AHCYL2: variants seen among roughly 807,000 people sequenced by gnomAD.
AHCYL2 encodes the protein adenosylhomocysteinase like 2.
A neutral mutation model predicts 81.4 loss-of-function variants in AHCYL2; 28 were observed. That is an observed-to-expected ratio of 0.34 (90% CI 0.25 to 0.47). AHCYL2 has a LOEUF of 0.47. Ranked by LOEUF, AHCYL2 falls within the 20% of genes least tolerant of loss-of-function variation. AHCYL2 has a pLI of 1.00. For missense variants in AHCYL2, 551 were observed against 785.1 expected, an observed-to-expected ratio of 0.70 and a Z score of 3.56; for synonymous variants, 272 against 290.2, an observed-to-expected ratio of 0.94 and a Z score of 0.64.
At chr7:129,302,107 T>A (rs1355978112) in intron 1 of AHCYL2, among the ~76,000 whole-genome samples, 1 of 152,190 alleles carries the variant, frequency 6.6e-6, no homozygotes. Flanking sequence ...CTTATTTGGT[T>A]AATTCCTAGG....
In AHCYL2 at chr7:129,324,640, C is replaced by A. The variant is rs111979706; in HGVS notation, c.364-54998C>A. ...ACGCCATTCTCCTGCCTCAGCCTCC[C>A]AAGTAGCTGGGACTACAGGCGCCTG... On this transcript the variant is annotated intron_variant, in intron 1 of 16. Transcript: ENST00000325006. Among the ~76,000 whole-genome samples the A allele has an allele frequency of 6.4e-4, 97 of 152,280 alleles. 1 individual carries two copies. Among genetic ancestry groups the A allele is most frequent in the Non-Finnish European group, 1.1e-3 (75 of 68,018 alleles).
At chr7:129,346,001 C>CT (rs1036344156) in intron 1 of AHCYL2, among the ~76,000 whole-genome samples, 28 of 151,898 alleles carry the variant, frequency 1.8e-4, no homozygotes, top group Admixed American at 4.6e-4. Context: ...TCTGGGCTGT[C>CT]TAAGTAGAGA....
intron 1 of AHCYL2, among the ~76,000 whole-genome samples, chr7:129,240,818 C>T (rs1458514673): frequency 6.6e-6 from 1 of 151,972 alleles, no homozygotes; most frequent in East Asian, 1.9e-4. Flanking sequence ...ATACTGAGTC[C>T]TCTGTGGGTG....
At chr7:129,291,059 A>G (rs1796833083) in intron 1 of AHCYL2, among the ~76,000 whole-genome samples, 1 of 152,126 alleles carries the variant, frequency 6.6e-6, no homozygotes, top group Non-Finnish European at 1.5e-5. Context: ...AAAAGGAGTA[A>G]TTCAGAGTCC....
intron 1 of AHCYL2, among the ~76,000 whole-genome samples, chr7:129,320,609 G>A (rs1797980300): frequency 6.6e-6 from 1 of 152,146 alleles, no homozygotes; most frequent in African/African-American, 2.4e-5. Flanking sequence ...ACCACGTCTG[G>A]CCTTATCACA....
chr7:129,331,863 T>C (rs1798437658), intron 1 of AHCYL2, among the ~76,000 whole-genome samples: 1 of 150,690 alleles, frequency 6.6e-6, no homozygotes, highest in Admixed American at 6.6e-5. Context: ...TTAATTTAAT[T>C]AAAAAATATA....
chr7:129,362,774 A>G (rs1219105458), intron 1 of AHCYL2, among the ~76,000 whole-genome samples: 1 of 152,094 alleles, frequency 6.6e-6, no homozygotes, highest in Non-Finnish European at 1.5e-5. Flanking sequence ...CCAAAGTCCA[A>G]TAAAACAAAG....
intron 1 of AHCYL2, among the ~76,000 whole-genome samples, chr7:129,313,500 C>T (rs1797730293): frequency 6.6e-6 from 1 of 152,118 alleles, no homozygotes; most frequent in Non-Finnish European, 1.5e-5. Context: ...GGTGTAGAAA[C>T]AGAGAAAGTT....
chr7:129,227,546 A>G (rs1794271507), intron 1 of AHCYL2, among the ~76,000 whole-genome samples: 1 of 139,202 alleles, frequency 7.2e-6, no homozygotes, highest in South Asian at 2.3e-4. Context: ...GGATCACCTG[A>G]GCCCAGGAAG....
chr7:129,417,409 G>A (rs1796910723), intron 12 of AHCYL2, among the ~76,000 whole-genome samples: 2 of 152,218 alleles, frequency 1.3e-5, no homozygotes, highest in African/African-American at 4.8e-5. Context: ...TATATCCTGA[G>A]AGAACTAGGG....
At chr7:129,299,550 C>G (rs573016756) in intron 1 of AHCYL2, among the ~76,000 whole-genome samples, 1 of 151,722 alleles carries the variant, frequency 6.6e-6, no homozygotes, top group East Asian at 1.9e-4. Context: ...CCCGCCACCA[C>G]GCCGTGCTAA....
intron 1 of AHCYL2, among the ~76,000 whole-genome samples, chr7:129,296,181 C>G (rs1477914858): frequency 6.6e-6 from 1 of 152,018 alleles, no homozygotes; most frequent in African/African-American, 2.4e-5. Context: ...ACTTAAAATT[C>G]TTATCACTAT....
chr7:129,320,381 C>T (rs917505942), intron 1 of AHCYL2, among the ~76,000 whole-genome samples: 3 of 152,140 alleles, frequency 2.0e-5, no homozygotes, highest in African/African-American at 7.2e-5. Context: ...TGCAATGGCA[C>T]GTCTCGGCTA....
chr7:129,314,428 A>G (rs1000891148), intron 1 of AHCYL2, among the ~76,000 whole-genome samples: 3 of 152,192 alleles, frequency 2.0e-5, no homozygotes, highest in African/African-American at 7.2e-5. Context: ...GCTGTATACA[A>G]ACTACCATAG....
rs60552364 is a variant in AHCYL2 at position 129,293,431 on chromosome 7, C to T, written c.363+67992C>T. 1.4e-3 allele frequency among the ~76,000 whole-genome samples: 207 copies of T among 151,998 alleles called. 2 individuals are homozygous for T. The highest frequency in any genetic ancestry group is 4.8e-3 in the African/African-American group (199 of 41,470). ...TTGATTGTGACTAAAACTGGCTGGACGCGGGAGGCCAAGACCAGCGGATCA... is the reference window on the plus strand; with the variant it reads ...TTGATTGTGACTAAAACTGGCTGGATGCGGGAGGCCAAGACCAGCGGATCA... On this transcript the variant is annotated intron_variant, in intron 1 of 16. Transcript: ENST00000325006.
intron 4 of AHCYL2, among the ~76,000 whole-genome samples, chr7:129,394,502 C>T (rs1386352626): frequency 8.1e-6 from 1 of 124,080 alleles, no homozygotes; most frequent in East Asian, 2.7e-4. Flanking sequence ...GGCTGGAGTG[C>T]AACGGTGCAA....
At chr7:129,403,765 G>A (rs1218297433) in intron 7 of AHCYL2, among the ~76,000 whole-genome samples, 1 of 150,290 alleles carries the variant, frequency 6.7e-6, no homozygotes, top group Non-Finnish European at 1.5e-5. Context: ...GGAGGCTGAG[G>A]GAGGAGAATG....
intron 12 of AHCYL2, 29 bp downstream of exon 12, chr7:129,413,717 C>T (rs749102355): frequency 4.4e-6 from 7 of 1,581,020 alleles, no homozygotes; most frequent in Non-Finnish European, 5.2e-6. Context: ...TTATTGGGGG[C>T]TTTTTTCTCT....
intron 1 of AHCYL2, among the ~76,000 whole-genome samples, chr7:129,340,382 A>ACGGTGAAACCCCGTCT (rs1018928205): frequency 3.3e-5 from 5 of 150,376 alleles, no homozygotes; most frequent in Non-Finnish European, 7.4e-5. Flanking sequence ...CCTGGCTAAC[A>ACGGTGAAACCCCGTCT]CGGTGAAACC....
Sources: gnomAD v4.1 joint callset for allele counts (sites outside exome capture counted in the v4.1 genomes callset) on GRCh38, gnomAD v4.1.1 for gene constraint, MANE v1.5 for transcripts, NCBI Gene and HGNC (gene_info 2026-07-23, HGNC 2026-07-21) for gene names.